Variants in CNTNAP2 observed in about 807,000 individuals in gnomAD.
CNTNAP2 encodes contactin-associated protein-like 2.
CNTNAP2 carries 98 observed loss-of-function variants against 155.2 expected under a neutral mutation model. The observed-to-expected ratio is 0.63, with a 90% CI of 0.54 to 0.75. CNTNAP2 has a LOEUF of 0.75. Ranked by LOEUF, CNTNAP2 falls within the 30% of genes least tolerant of loss-of-function variation. The pLI is 0.00. For synonymous variants in CNTNAP2, 651 were observed against 631.2 expected, an observed-to-expected ratio of 1.03 and a Z score of -0.47; for missense variants, 1,727 against 1,688.1, an observed-to-expected ratio of 1.02 and a Z score of -0.40.
At chr7:147,040,698 C>A (rs186600995) in intron 3 of CNTNAP2, among the ~76,000 whole-genome samples, 10 of 151,814 alleles carry the variant, frequency 6.6e-5, no homozygotes, top group Admixed American at 2.0e-4. Flanking sequence ...TGACCTCAAG[C>A]GATCAGCCCA....
At chr7:148,406,180 T>C (rs1000360908) in intron 22 of CNTNAP2, among the ~76,000 whole-genome samples, 1 of 151,794 alleles carries the variant, frequency 6.6e-6, no homozygotes, top group Admixed American at 6.6e-5. Flanking sequence ...TGCAGTGAGC[T>C]GAGATCGCGC....
At chr7:147,301,592 CTGTG>C (rs10585570) in intron 9 of CNTNAP2, among the ~76,000 whole-genome samples, 13,375 of 100,152 alleles carry the variant, frequency 0.13, 882 homozygotes, top group Middle Eastern at 0.19. Context: ...CTCTCTCTCT[CTGTG>C]TGTGTGTGTG....
intron 3 of CNTNAP2, among the ~76,000 whole-genome samples, chr7:146,993,329 C>A (rs1455265297): frequency 6.6e-6 from 1 of 152,074 alleles, no homozygotes; most frequent in African/African-American, 2.4e-5. Context: ...AGTGTGTTTA[C>A]TGGACTTGTA....
intron 1 of CNTNAP2, among the ~76,000 whole-genome samples, chr7:146,623,284 C>T (rs571123626): frequency 6.2e-4 from 95 of 152,180 alleles, no homozygotes; most frequent in Admixed American, 4.8e-3. Context: ...TTCCTGCATA[C>T]GTTTTAAAGC....
intron 1 of CNTNAP2, among the ~76,000 whole-genome samples, chr7:146,744,153 G>C (rs932348827): frequency 6.7e-6 from 1 of 149,904 alleles, no homozygotes; most frequent in African/African-American, 2.5e-5. Context: ...GCTGGAACCT[G>C]GGGGGAAGAG....
rs750318092 is a variant in CNTNAP2, at chr7:147,960,650, CAAGT to C, written c.2256-17207_2256-17204del. ...TCAACTGGAGTATCATTTCCTATCC[CAAGT>C]AAGTTAAACACAGGATGAGCTCAAC... is the stretch of plus-strand genomic sequence containing the variant. On this transcript the variant is annotated intron_variant, in intron 14 of 23. Transcript: ENST00000361727. Among the ~76,000 whole-genome samples, 20 of 152,160 alleles carry C rather than the reference CAAGT, an allele frequency of 1.3e-4. 3 individuals are homozygous for C. Among genetic ancestry groups the C allele is most frequent in the East Asian group, 3.9e-4 (2 of 5,152 alleles).
chr7:147,590,430 A>G (rs1173162088), intron 12 of CNTNAP2, among the ~76,000 whole-genome samples: 3 of 152,088 alleles, frequency 2.0e-5, no homozygotes, highest in Non-Finnish European at 2.9e-5. Flanking sequence ...TGGTCTTTAT[A>G]AGGAGCTTCC....
intron 1 of CNTNAP2, among the ~76,000 whole-genome samples, chr7:146,650,942 C>T (rs1799900204): frequency 6.6e-6 from 1 of 151,964 alleles, no homozygotes; most frequent in Non-Finnish European, 1.5e-5. Flanking sequence ...ATTGCTTGAG[C>T]CCAGGAGTTC....
intron 14 of CNTNAP2, among the ~76,000 whole-genome samples, chr7:147,970,636 CAA>C (rs979727336): frequency 6.6e-6 from 1 of 152,126 alleles, no homozygotes; most frequent in African/African-American, 2.4e-5. Context: ...AGAAATCAAA[CAA>C]AAGACTCCAA....
intron 15 of CNTNAP2, among the ~76,000 whole-genome samples, chr7:148,104,657 T>C (rs1014955488): frequency 2.0e-5 from 3 of 152,086 alleles, no homozygotes; most frequent in African/African-American, 7.2e-5. Flanking sequence ...TAAGAGAAAT[T>C]AGATGCCAAA....
chr7:147,928,486 T>C (rs1007285811), intron 14 of CNTNAP2, among the ~76,000 whole-genome samples: 1 of 152,216 alleles, frequency 6.6e-6, no homozygotes, highest in Non-Finnish European at 1.5e-5. Context: ...TATTTATTTA[T>C]TTTTTCTCAT....
At chr7:146,479,791 T>A (rs1462824749) in intron 1 of CNTNAP2, among the ~76,000 whole-genome samples, 2 of 152,254 alleles carry the variant, frequency 1.3e-5, no homozygotes, top group South Asian at 4.1e-4. Context: ...TTATTTTATT[T>A]TTTATTTTTT....
intron 1 of CNTNAP2, among the ~76,000 whole-genome samples, chr7:146,620,187 A>G (rs1799294090): frequency 1.3e-5 from 2 of 152,124 alleles, no homozygotes; most frequent in Admixed American, 6.5e-5. Flanking sequence ...TTGTCTCCAT[A>G]AAAGAACTTA....
At chr7:146,763,583 A>C (rs1228141713) in intron 1 of CNTNAP2, among the ~76,000 whole-genome samples, 1 of 152,182 alleles carries the variant, frequency 6.6e-6, no homozygotes, top group Non-Finnish European at 1.5e-5. Context: ...TGGGTAGTTA[A>C]TACTATTTTT....
At chr7:146,727,605 C>T (rs964305693) in intron 1 of CNTNAP2, among the ~76,000 whole-genome samples, 4 of 152,106 alleles carry the variant, frequency 2.6e-5, no homozygotes, top group East Asian at 1.9e-4. Flanking sequence ...TCCCAATTGC[C>T]GGCAATTTTC....
chr7:147,359,910 T>C (rs1167314441), intron 9 of CNTNAP2, among the ~76,000 whole-genome samples: 1 of 152,208 alleles, frequency 6.6e-6, no homozygotes, highest in African/African-American at 2.4e-5. Flanking sequence ...TCTTTATTCA[T>C]TTGCTTATTG....
chr7:148,094,859 A>G (rs1323412131), intron 15 of CNTNAP2, among the ~76,000 whole-genome samples: 3 of 152,196 alleles, frequency 2.0e-5, no homozygotes, highest in African/African-American at 7.2e-5. Flanking sequence ...AAGGACCCTG[A>G]TTAGACATAG....
intron 12 of CNTNAP2, among the ~76,000 whole-genome samples, chr7:147,628,183 G>T (rs1795021074): frequency 6.6e-6 from 1 of 152,114 alleles, no homozygotes; most frequent in South Asian, 2.1e-4. Context: ...ATAGTCATTA[G>T]GTTATCTAAA....
intron 1 of CNTNAP2, among the ~76,000 whole-genome samples, chr7:146,230,145 C>T (rs758244720): frequency 2.0e-5 from 3 of 152,138 alleles, no homozygotes; most frequent in Non-Finnish European, 2.9e-5. Flanking sequence ...AGAACTGTTA[C>T]ACACTTGAGA....
Sources: allele counts gnomAD v4.1 joint callset (sites outside exome capture counted in the v4.1 genomes callset), GRCh38; gene constraint gnomAD v4.1.1; transcripts MANE v1.5; gene names NCBI Gene and HGNC (gene_info 2026-07-23, HGNC 2026-07-21).